Variants in KIF15 observed in about 807,000 individuals in gnomAD.
KIF15 encodes kinesin family member 15.
A neutral mutation model predicts 190.6 loss-of-function variants in KIF15; 140 were observed. The ratio of observed to expected loss-of-function variants is 0.73; its 90% CI spans 0.64 to 0.84. The LOEUF (loss-of-function observed/expected upper bound fraction) is 0.84. Ranked by LOEUF, KIF15 falls within the 40% of genes least tolerant of loss-of-function variation. The pLI, the probability that KIF15 is intolerant of heterozygous loss-of-function variation, is 0.00. For missense variants in KIF15, 1,372 were observed against 1,584.4 expected, an observed-to-expected ratio of 0.87 and a Z score of 2.28; for synonymous variants, 528 against 551.3, an observed-to-expected ratio of 0.96 and a Z score of 0.59.
chr3:44,776,139 A>G (rs1478422260), intron 3 of KIF15, among the ~76,000 whole-genome samples: 6 of 152,126 alleles, frequency 3.9e-5, no homozygotes, highest in Non-Finnish European at 8.8e-5. Context: ...ATCCGTCTCA[A>G]ATAAGGAGAC....
At chr3:44,790,150 C>G (rs151324515) in intron 7 of KIF15, among the ~76,000 whole-genome samples, 1 of 152,152 alleles carries the variant, frequency 6.6e-6, no homozygotes, top group African/African-American at 2.4e-5. Flanking sequence ...GTTTATTGTC[C>G]TGTATTTGTA....
chr3:44,798,047 T>A, intron 10 of KIF15, 91 bp downstream of exon 10: 1 of 1,145,536 alleles, frequency 8.7e-7, no homozygotes, highest in Non-Finnish European at 1.2e-6. Flanking sequence ...ATATTAACAT[T>A]AACTTTTATT....
intron 1 of KIF15, 32 bp from the exon 2 acceptor site, chr3:44,774,363 A>T: frequency 6.3e-7 from 1 of 1,598,536 alleles, no homozygotes; most frequent in Non-Finnish European, 8.6e-7. Context: ...ATTACAATTT[A>T]AATGACCTTT....
chr3:44,805,795 G>A, intron 15 of KIF15, 50 bp from the exon 16 acceptor site: 1 of 1,522,342 alleles, frequency 6.6e-7, no homozygotes, highest in South Asian at 1.2e-5. Context: ...TTCTATAAAT[G>A]TTTGACATTA....
chr3:44,865,456 G>T (rs1456004762), intron 6 of KIF15: 5 of 448,916 alleles, frequency 1.1e-5, no homozygotes, highest in Middle Eastern at 5.9e-4. Context: ...AGATCCTGGG[G>T]TTGGTCTGCT....
chr3:44,767,418 C>G (rs773655316), intron 1 of KIF15, among the ~76,000 whole-genome samples: 1 of 152,160 alleles, frequency 6.6e-6, no homozygotes, highest in Non-Finnish European at 1.5e-5. Context: ...TGAGAAAGAA[C>G]AGGGTCAGGG....
At chr3:44,812,372 A>G in intron 18 of KIF15, 83 bp downstream of exon 18, 4 of 959,922 alleles carry the variant, frequency 4.2e-6, no homozygotes, top group Non-Finnish European at 6.6e-6. Context: ...GGATCCTCAA[A>G]CATCCTTGAG....
intron 6 of KIF15, among the ~76,000 whole-genome samples, chr3:44,864,514 A>C (rs908842160): frequency 6.6e-6 from 1 of 152,146 alleles, no homozygotes; most frequent in Non-Finnish European, 1.5e-5. Flanking sequence ...ATGTAATTCT[A>C]ATCATGGAAG....
chr3:44,852,639 T>A, intron 34 of KIF15, 34 bp from the exon 35 acceptor site: 1 of 1,481,870 alleles, frequency 6.7e-7, no homozygotes, highest in Non-Finnish European at 9.2e-7. Flanking sequence ...TAGAGCCTTA[T>A]TTTTTTTCTT....
chr3:44,797,755 G>A, intron 9 of KIF15, 79 bp downstream of exon 9: 1 of 1,602,170 alleles, frequency 6.2e-7, no homozygotes, highest in Non-Finnish European at 8.5e-7. Context: ...AGCCTTGGTG[G>A]CAAGAGTATA....
intron 18 of KIF15, among the ~76,000 whole-genome samples, 182 bp downstream of exon 18, chr3:44,812,471 C>G (rs565845720): frequency 6.6e-6 from 1 of 152,196 alleles, no homozygotes; most frequent in Non-Finnish European, 1.5e-5. Flanking sequence ...TATTCTCTAC[C>G]TTGTTACTTA....
chr3:44,780,689 A>T lies in KIF15; in HGVS notation c.324-196A>T, dbSNP rs17076957. ...TTGTGTAATATAGAAGCATTTGCCA[A>T]TTAACAGCAGTTAGCTCTTTGTAGG... is the stretch of plus-strand genomic sequence containing the variant. On this transcript the variant is annotated intron_variant, in intron 4 of 34. Transcript: ENST00000326047. 3.9e-5 allele frequency among the ~76,000 whole-genome samples: 6 copies of T among 152,348 alleles called. No homozygotes were observed. The East Asian group carries it at 1.2e-3, about 29-fold the overall frequency.
Position 44,805,114 on chromosome 3 carries a change from A to T in KIF15, c.1775A>T (p.Gln592Leu). 6.2e-7 allele frequency: 1 copy of T among 1,613,998 alleles called. No individual in the cohort carries two copies. Among genetic ancestry groups the T allele is most frequent in the Non-Finnish European group, 8.5e-7 (1 of 1,179,946 alleles). Residue 592 changes from glutamine (Q) to leucine (L), a missense_variant, in exon 15 of 35, where the codon CAG becomes CTG. Gln to Leu is a moderately radical substitution (Grantham distance 113, BLOSUM62 -2). Transcript: ENST00000326047. The part of the protein sequence containing the change: ...EKLKAQLLQI[Q>L]TELNNSKQEY... ...TTAAAAGCACAACTCCTGCAAATTC[A>T]GACAGAGCTGAATAATTCAAAGCAA...
At chr3:44,825,071 T>C (rs1166268976) in intron 20 of KIF15, among the ~76,000 whole-genome samples, 1 of 152,192 alleles carries the variant, frequency 6.6e-6, no homozygotes, top group Non-Finnish European at 1.5e-5. Flanking sequence ...CTTCCTAGCT[T>C]TTTAAATACA....
At chr3:44,821,115 G>C (rs1216918986) in intron 20 of KIF15, among the ~76,000 whole-genome samples, 1 of 147,926 alleles carries the variant, frequency 6.8e-6, no homozygotes, top group Non-Finnish European at 1.5e-5. Context: ...CCGGGCGGCT[G>C]GCCGGGCGGG....
At chr3:44,867,777 TGAG>T (rs1373017898) in intron 6 of KIF15, among the ~76,000 whole-genome samples, 5 of 152,374 alleles carry the variant, frequency 3.3e-5, no homozygotes, top group South Asian at 4.1e-4. Flanking sequence ...TCTAAAAAGT[TGAG>T]GAAACGTTCA....
chr3:44,801,590 A>C, intron 12 of KIF15, 64 bp downstream of exon 12: 1 of 1,112,378 alleles, frequency 9.0e-7, no homozygotes. Context: ...TGTGGTTTTT[A>C]TTGCCTTACT....
intron 6 of KIF15, among the ~76,000 whole-genome samples, chr3:44,864,831 G>T (rs1292080368): frequency 6.6e-6 from 1 of 152,190 alleles, no homozygotes; most frequent in African/African-American, 2.4e-5. Flanking sequence ...CTTTGCTGAG[G>T]TCCAGTGCAG....
chr3:44,842,344 G>C (rs898261748), intron 29 of KIF15, among the ~76,000 whole-genome samples: 17 of 152,142 alleles, frequency 1.1e-4, no homozygotes, highest in Admixed American at 2.0e-4. Flanking sequence ...GGGGCACATG[G>C]AAGAGTGTCT....
Sources: allele counts gnomAD v4.1 joint callset (sites outside exome capture counted in the v4.1 genomes callset), GRCh38; gene constraint gnomAD v4.1.1; transcripts MANE v1.5; gene names NCBI Gene and HGNC (gene_info 2026-07-23, HGNC 2026-07-21).